RIMS4: variants seen among roughly 807,000 people sequenced by gnomAD.
RIMS4 encodes the protein regulating synaptic membrane exocytosis protein 4.
RIMS4 carries 9 observed loss-of-function variants against 29.0 expected under a neutral mutation model. That is an observed-to-expected ratio of 0.31 (90% CI 0.19 to 0.54). RIMS4 has a LOEUF of 0.54. Ranked by LOEUF, RIMS4 falls within the 20% of genes least tolerant of loss-of-function variation. The pLI, the probability that RIMS4 is intolerant of heterozygous loss-of-function variation, is 0.94. For missense variants in RIMS4, 193 were observed against 365.7 expected (o/e 0.53, Z 3.85); for synonymous variants, 130 against 152.9 (o/e 0.85, Z 1.10).
rs1374775232 is a variant in RIMS4 at position 44,752,342 on chromosome 20, G to A, written c.*3792C>T. The A allele has an allele frequency of 2.0e-5, 3 of 152,318 alleles. No homozygotes were observed. The highest frequency in any genetic ancestry group is 1.3e-4 in the Admixed American group (2 of 15,284). 9.4% of individuals were successfully genotyped at this position (152,318 alleles called of 1,614,324 possible). On this transcript the variant is annotated 3_prime_UTR_variant, in exon 6 of 6. Coordinates refer to ENST00000372851, the MANE Select transcript of RIMS4 (RefSeq NM_182970.4). ...GACGCAACAGCTGTGCCTCCAGAGGGGGTGGGACTCGGTACTGTTTCTGAC... is the reference window on the plus strand; with the variant it reads ...GACGCAACAGCTGTGCCTCCAGAGGAGGTGGGACTCGGTACTGTTTCTGAC...
intron 1 of RIMS4, among the ~76,000 whole-genome samples, chr20:44,788,755 C>G (rs971593647): frequency 2.0e-5 from 3 of 151,966 alleles, no homozygotes; most frequent in African/African-American, 7.3e-5. Context: ...GAGAAAGACC[C>G]TGTCTCTAAA....
At chr20:44,782,670 T>A (rs1344079428) in intron 1 of RIMS4, among the ~76,000 whole-genome samples, 2 of 152,210 alleles carry the variant, frequency 1.3e-5, no homozygotes, top group Non-Finnish European at 2.9e-5. Flanking sequence ...TGGGACAAGC[T>A]GGTCTCATGG....
intron 2 of RIMS4, among the ~76,000 whole-genome samples, chr20:44,760,692 A>ATCCATTCGG (rs373248377): frequency 7.3e-4 from 111 of 152,262 alleles, no homozygotes; most frequent in Admixed American, 2.0e-3. Context: ...CGTCCATTTG[A>ATCCATTCGG]TCCATTCATT....
intron 1 of RIMS4, among the ~76,000 whole-genome samples, chr20:44,796,326 T>A (rs964735574): frequency 1.3e-5 from 2 of 152,142 alleles, no homozygotes; most frequent in African/African-American, 4.8e-5. Context: ...CAGAATGTAA[T>A]TCCATGACAA....
At chr20:44,802,731 CCTTTT>C (rs991157347) in intron 1 of RIMS4, among the ~76,000 whole-genome samples, 2 of 152,172 alleles carry the variant, frequency 1.3e-5, no homozygotes, top group African/African-American at 4.8e-5. Flanking sequence ...CAGCTGGGGG[CCTTTT>C]CTTTTCCTTC....
intron 2 of RIMS4, among the ~76,000 whole-genome samples, chr20:44,760,275 A>T (rs2066078504): frequency 6.6e-6 from 1 of 152,180 alleles, no homozygotes; most frequent in Admixed American, 6.5e-5. Context: ...AAAGCAGAGG[A>T]GACTTGCACT....
Position 44,756,068 on chromosome 20 carries a change from C to T in RIMS4, c.*66G>A. 1 of 1,293,692 alleles carries T rather than the reference C, an allele frequency of 7.7e-7. No homozygotes were observed. The highest frequency in any genetic ancestry group is 1.4e-5 in the South Asian group (1 of 73,832). 80.1% of individuals were successfully genotyped at this position (1,293,692 alleles called of 1,614,324 possible). ...CCTCCTGTTCAATGTGCCCCTGGGC[C>T]TGGGGTCCCAGGTCAGGGCTGGGTG... On this transcript the variant is annotated 3_prime_UTR_variant, in exon 6 of 6. Transcript: ENST00000372851. This position sits in a 1 kb window ranked among gnomAD's most constrained non-coding sequence, Gnocchi z 5.9.
At chr20:44,799,244 A>C (rs1013274355) in intron 1 of RIMS4, among the ~76,000 whole-genome samples, 1 of 152,156 alleles carries the variant, frequency 6.6e-6, no homozygotes, top group East Asian at 1.9e-4. Flanking sequence ...CAGAGGTTAC[A>C]GTGACCTGAG....
intron 2 of RIMS4, among the ~76,000 whole-genome samples, chr20:44,762,346 C>G (rs1056584163): frequency 6.6e-6 from 1 of 152,150 alleles, no homozygotes; most frequent in African/African-American, 2.4e-5. Context: ...GCCTTTCCTC[C>G]ATGCCCCTGG....
chr20:44,798,915 G>C (rs1456422084), intron 1 of RIMS4, among the ~76,000 whole-genome samples: 1 of 152,252 alleles, frequency 6.6e-6, no homozygotes, highest in East Asian at 1.9e-4. Context: ...GGCTAAGACA[G>C]TGGAAACAGG....
At chr20:44,794,342 T>C (rs2066245725) in intron 1 of RIMS4, among the ~76,000 whole-genome samples, 1 of 152,196 alleles carries the variant, frequency 6.6e-6, no homozygotes, top group South Asian at 2.1e-4. Flanking sequence ...CCTGGGCCTT[T>C]TCTGGGGCTG....
intron 2 of RIMS4, among the ~76,000 whole-genome samples, chr20:44,762,024 T>G (rs556938767): frequency 3.3e-5 from 5 of 152,178 alleles, no homozygotes; most frequent in African/African-American, 4.8e-5. Context: ...AATTTTTCCA[T>G]GGACTGGGGC....
At chr20:44,767,029 C>T (rs560147479) in intron 2 of RIMS4, among the ~76,000 whole-genome samples, 1 of 152,320 alleles carries the variant, frequency 6.6e-6, no homozygotes, top group Admixed American at 6.5e-5. Context: ...CCGAGAGTTC[C>T]CCATCAGGAT....
At chr20:44,769,774 T>G (rs1601024963) in intron 2 of RIMS4, among the ~76,000 whole-genome samples, 2 of 151,160 alleles carry the variant, frequency 1.3e-5, no homozygotes, top group African/African-American at 2.4e-5. Flanking sequence ...GGGCTGGGGG[T>G]GGGGAAGGCT....
At chr20:44,761,303 T>C (rs1259779938) in intron 2 of RIMS4, among the ~76,000 whole-genome samples, 1 of 152,152 alleles carries the variant, frequency 6.6e-6, no homozygotes, top group African/African-American at 2.4e-5. Context: ...CCTACCCAAA[T>C]GACACAGGTA....
At chr20:44,790,516 G>A (rs1313862231) in intron 1 of RIMS4, among the ~76,000 whole-genome samples, 1 of 152,172 alleles carries the variant, frequency 6.6e-6, no homozygotes, top group African/African-American at 2.4e-5. Context: ...TCCCACAACA[G>A]ATATGATTCT....
At chr20:44,779,363 C>G (rs1568900477) in intron 1 of RIMS4, among the ~76,000 whole-genome samples, 1 of 152,204 alleles carries the variant, frequency 6.6e-6, no homozygotes, top group Non-Finnish European at 1.5e-5. Context: ...AGAAGCAGAA[C>G]ATTACCAGTG....
At chr20:44,783,527 G>A (rs2066194182) in intron 1 of RIMS4, among the ~76,000 whole-genome samples, 1 of 152,102 alleles carries the variant, frequency 6.6e-6, no homozygotes, top group African/African-American at 2.4e-5. Context: ...AGGAGGCTGA[G>A]GCAGGAGAAT....
In RIMS4 at chr20:44,754,452, T is replaced by G. The variant is rs1004520889; in HGVS notation, c.*1682A>C. 6.4e-6 allele frequency: 1 copy of G among 156,632 alleles called. No homozygotes were observed. The highest frequency in any genetic ancestry group is 1.4e-5 in the Non-Finnish European group (1 of 69,764). The allele number at this position is 156,632 out of a possible 1,614,324, so 9.7% of individuals were successfully genotyped here. A position where few individuals can be genotyped will look rare whatever the true frequency, so the allele number is the denominator to read the frequency against. On this transcript the variant is annotated 3_prime_UTR_variant, in exon 6 of 6. Transcript: ENST00000372851. Reference sequence around the variant, plus strand: ...GGGACCAAAGGCAGCCTGGGTGTCCTCAGGAGAAAACAACACCCTCTAATG... The same window carrying G: ...GGGACCAAAGGCAGCCTGGGTGTCCGCAGGAGAAAACAACACCCTCTAATG...
Sources: gnomAD v4.1 joint callset for allele counts (sites outside exome capture counted in the v4.1 genomes callset) on GRCh38, gnomAD v4.1.1 for gene constraint, Gnocchi (gnomAD v3.1) non-coding constraint, MANE v1.5 for transcripts, NCBI Gene and HGNC (gene_info 2026-07-23, HGNC 2026-07-21) for gene names.